ATL2: variants seen among roughly 807,000 people sequenced by gnomAD.
ATL2 encodes the protein atlastin-2.
Under a neutral mutation model 73.9 loss-of-function variants are expected in ATL2, and 31 were observed. The observed-to-expected ratio is 0.42, with a 90% CI of 0.32 to 0.57. The LOEUF (loss-of-function observed/expected upper bound fraction) is 0.57. Among genes scored for constraint, ATL2 ranks in the 20% least tolerant of loss-of-function variants. The probability of loss-of-function intolerance (pLI) is 0.14; values close to 1 mark genes in which losing one functional copy is unlikely to be tolerated. For synonymous variants in ATL2, 291 were observed against 237.5 expected (o/e 1.23, Z -2.07); for missense variants, 738 against 702.6 (o/e 1.05, Z -0.57).
intron 1 of ATL2, among the ~76,000 whole-genome samples, chr2:38,365,033 G>C (rs13020216): frequency 0.25 from 36,214 of 146,136 alleles, 4,514 homozygotes; most frequent in South Asian, 0.38. Context: ...TACAGAGCGA[G>C]ACTCCGTCTC....
In ATL2 at chr2:38,294,089, G is replaced by T. The variant is rs139019464; in HGVS notation, c.*1905C>A. Among the ~76,000 whole-genome samples the T allele has an allele frequency of 7.8e-3, 1,194 of 152,286 alleles. 18 individuals are homozygous for T. Among genetic ancestry groups the T allele is most frequent in the African/African-American group, 0.027 (1,124 of 41,550 alleles). On this transcript the variant is annotated 3_prime_UTR_variant, in exon 13 of 13. Transcript: ENST00000378954. ...GAAGAAATAAAAAGACACTTTTCAGGTGGATTCTTTAAGAACAGATAAGTT... is the reference window on the plus strand; with the variant it reads ...GAAGAAATAAAAAGACACTTTTCAGTTGGATTCTTTAAGAACAGATAAGTT...
Position 38,319,035 on chromosome 2 carries a change from A to C in ATL2, c.364-16T>G. On this transcript the variant is annotated splice_polypyrimidine_tract_variant and intron_variant, in intron 2 of 12. Transcript: ENST00000378954. ...TTTGAGAATCCTGTTAAAGTCAAGGATAAATGTAAAATACAACACAATTAA... is the reference window on the plus strand; with the variant it reads ...TTTGAGAATCCTGTTAAAGTCAAGGCTAAATGTAAAATACAACACAATTAA... 1 of 1,607,164 alleles carries C rather than the reference A, an allele frequency of 6.2e-7. No homozygotes were observed. Among genetic ancestry groups the C allele is most frequent in the Non-Finnish European group, 8.5e-7 (1 of 1,177,378 alleles).
intron 2 of ATL2, among the ~76,000 whole-genome samples, chr2:38,319,581 A>G (rs1668206890): frequency 6.7e-6 from 1 of 148,396 alleles, no homozygotes; most frequent in Non-Finnish European, 1.5e-5. Context: ...CCTGGGTGAC[A>G]GAGTGAGATC....
intron 1 of ATL2, among the ~76,000 whole-genome samples, chr2:38,373,108 G>A (rs143716022): frequency 3.4e-4 from 51 of 152,084 alleles, no homozygotes; most frequent in African/African-American, 1.0e-3. Context: ...GCCTTGTTAC[G>A]GATTATCACT....
At chr2:38,337,105 G>C (rs1368096442) in intron 2 of ATL2, among the ~76,000 whole-genome samples, 1 of 151,672 alleles carries the variant, frequency 6.6e-6, no homozygotes, top group Non-Finnish European at 1.5e-5. Context: ...AGAGAGGGAG[G>C]GAGGGAAACC....
chr2:38,313,808 A>C (rs1447620943), intron 6 of ATL2, among the ~76,000 whole-genome samples: 1 of 152,188 alleles, frequency 6.6e-6, no homozygotes, highest in Non-Finnish European at 1.5e-5. Flanking sequence ...AGATACCAAG[A>C]GGCACTAAGC....
Position 38,310,312 on chromosome 2 carries a change from T to C in ATL2, c.940A>G (p.Lys314Glu). The C allele has an allele frequency of 6.2e-7, 1 of 1,610,810 alleles. No individual in the cohort carries two copies. The highest frequency in any genetic ancestry group is 1.1e-5 in the South Asian group (1 of 90,024). ...TAGCAAGAATGGGAATTCCCACCTT[T>C]CAATCTCCCATCAAAACTAGGATTA... ...ATNPSFDGRL[K>E]DIDEDFKREL... Residue 314 changes from lysine (K) to glutamate (E), a missense_variant, in exon 8 of 13, where the codon AAA becomes GAA. Physicochemically the swap from Lys to Glu is moderately conservative, Grantham distance 56 (BLOSUM62 1). Coordinates refer to ENST00000378954, the MANE Select transcript of ATL2 (RefSeq NM_001135673.4).
intron 1 of ATL2, among the ~76,000 whole-genome samples, chr2:38,355,156 C>T (rs141757088): frequency 0.024 from 3,710 of 152,170 alleles, 69 homozygotes; most frequent in Middle Eastern, 0.041. Context: ...GATGGAGTTT[C>T]GCTCTTGTTG....
intron 1 of ATL2, among the ~76,000 whole-genome samples, chr2:38,361,422 G>A (rs1671011350): frequency 6.7e-6 from 1 of 150,318 alleles, no homozygotes; most frequent in Admixed American, 6.6e-5. Flanking sequence ...CACTCACCAT[G>A]TTTTAAACAC....
At chr2:38,364,619 CG>C (rs1227552749) in intron 1 of ATL2, among the ~76,000 whole-genome samples, 1 of 152,148 alleles carries the variant, frequency 6.6e-6, no homozygotes, top group Non-Finnish European at 1.5e-5. Flanking sequence ...TTCCTATTTC[CG>C]GAAGTATTTT....
rs563757777 is a variant in ATL2 at position 38,363,154 on chromosome 2, C to T, written c.118+13989G>A. On this transcript the variant is annotated intron_variant, in intron 1 of 12. Coordinates refer to ENST00000378954, the MANE Select transcript of ATL2 (RefSeq NM_001135673.4). ...ACTGAAGCTCAGATAAAGCAATCTG[C>T]GAGGATACACATTTTGTAAGTAATC... Among the ~76,000 whole-genome samples the T allele has an allele frequency of 3.9e-5, 6 of 152,208 alleles. No individual in the cohort carries two copies. In the South Asian group the frequency reaches 1.2e-3, roughly 32 times the overall value.
At chr2:38,297,565 G>A (rs1390047407) in intron 12 of ATL2, among the ~76,000 whole-genome samples, 1 of 152,180 alleles carries the variant, frequency 6.6e-6, no homozygotes, top group Non-Finnish European at 1.5e-5. Context: ...TTACGACGGA[G>A]CATGGTTCTC....
chr2:38,357,256 A>T (rs1008504468), intron 1 of ATL2, among the ~76,000 whole-genome samples: 45 of 152,234 alleles, frequency 3.0e-4, no homozygotes, highest in African/African-American at 1.0e-3. Context: ...TGAACCCAGG[A>T]GGCAGAGGTT....
At chr2:38,317,422 T>C (rs60100570) in intron 4 of ATL2, among the ~76,000 whole-genome samples, 14,426 of 152,040 alleles carry the variant, frequency 0.095, 2,285 homozygotes, top group African/African-American at 0.33. Flanking sequence ...ATCTAAATTA[T>C]ACAGAAAAGA....
intron 9 of ATL2, among the ~76,000 whole-genome samples, chr2:38,301,102 C>T (rs928365633): frequency 4.0e-5 from 6 of 151,874 alleles, no homozygotes; most frequent in Admixed American, 1.3e-4. Context: ...TCCCGAGTAG[C>T]TGGGATTACA....
intron 2 of ATL2, among the ~76,000 whole-genome samples, chr2:38,336,239 T>C (rs1449427396): frequency 3.3e-5 from 5 of 152,254 alleles, no homozygotes; most frequent in Admixed American, 2.6e-4. Flanking sequence ...TCTGAGATAT[T>C]TGTGCTTGTG....
intron 1 of ATL2, among the ~76,000 whole-genome samples, chr2:38,368,658 A>T (rs1014269524): frequency 4.6e-5 from 7 of 152,272 alleles, no homozygotes; most frequent in African/African-American, 1.7e-4. Context: ...GAAAGAAACC[A>T]ACACACACAA....
At chr2:38,320,772 A>T (rs1573473339) in intron 2 of ATL2, among the ~76,000 whole-genome samples, 1 of 152,240 alleles carries the variant, frequency 6.6e-6, no homozygotes, top group East Asian at 1.9e-4. Context: ...AGGAGTGGAG[A>T]GATGGTTAAG....
chr2:38,332,099 G>A (rs1170676465), intron 2 of ATL2, among the ~76,000 whole-genome samples: 1 of 152,162 alleles, frequency 6.6e-6, no homozygotes, highest in Non-Finnish European at 1.5e-5. Flanking sequence ...TTACATGAAT[G>A]TCCACAGAGA....
Sources: gnomAD v4.1 joint callset for allele counts (sites outside exome capture counted in the v4.1 genomes callset) on GRCh38, gnomAD v4.1.1 for gene constraint, MANE v1.5 for transcripts, NCBI Gene and HGNC (gene_info 2026-07-23, HGNC 2026-07-21) for gene names.